The following FSHR variants were observed in gnomAD, a reference collection of about 807,000 sequenced individuals.
FSHR encodes follicle stimulating hormone receptor.
In FSHR, 46 loss-of-function variants were observed where a neutral mutation model predicts 52.1. That is an observed-to-expected ratio of 0.88 (90% CI 0.70 to 1.13). The LOEUF (loss-of-function observed/expected upper bound fraction) is 1.13, where lower values mean the gene tolerates loss of function less well. FSHR is among the 50% of genes most tolerant of loss of function. The probability of loss-of-function intolerance (pLI) is 0.00; values close to 1 mark genes in which losing one functional copy is unlikely to be tolerated. For missense variants in FSHR, 964 were observed against 834.6 expected, an observed-to-expected ratio of 1.16 and a Z score of -1.91; for synonymous variants, 399 against 309.6, an observed-to-expected ratio of 1.29 and a Z score of -3.03.
At chr2:49,051,004 G>A (rs536189512) in intron 2 of FSHR, among the ~76,000 whole-genome samples, 1 of 152,096 alleles carries the variant, frequency 6.6e-6, no homozygotes, top group East Asian at 1.9e-4. Flanking sequence ...TTCTGTGTCT[G>A]GCTTCTTTGC....
intron 4 of FSHR, among the ~76,000 whole-genome samples, chr2:49,005,845 T>C (rs1304558953): frequency 1.3e-5 from 2 of 152,116 alleles, no homozygotes; most frequent in African/African-American, 4.8e-5. Flanking sequence ...AAAGTACTGA[T>C]CTTGGGTGTG....
intron 1 of FSHR, among the ~76,000 whole-genome samples, chr2:49,145,049 A>C (rs1672820502): frequency 6.6e-6 from 1 of 152,116 alleles, no homozygotes; most frequent in Non-Finnish European, 1.5e-5. Context: ...GGATCATCCC[A>C]GCTGCTTTGG....
chr2:49,035,278 G>A (rs977466175), intron 2 of FSHR, among the ~76,000 whole-genome samples: 1 of 152,218 alleles, frequency 6.6e-6, no homozygotes, highest in African/African-American at 2.4e-5. Flanking sequence ...TTGCTCCCAT[G>A]AGCATGGTTT....
chr2:48,978,845 C>A (rs1366856780), intron 8 of FSHR, among the ~76,000 whole-genome samples: 3 of 152,180 alleles, frequency 2.0e-5, no homozygotes, highest in Non-Finnish European at 4.4e-5. Context: ...ATTCTTCCCT[C>A]AACTACAAAT....
intron 4 of FSHR, chr2:49,014,614 C>T (rs1207754465): frequency 2.3e-5 from 6 of 255,760 alleles, no homozygotes; most frequent in African/African-American, 6.9e-5. Flanking sequence ...ATGGTGCTGG[C>T]TGCAAGATGT....
chr2:48,968,844 A>G lies in FSHR; in HGVS notation c.708T>C (p.Tyr236=). The G allele has an allele frequency of 1.2e-6, 2 of 1,614,042 alleles. No homozygotes were observed. The highest frequency in any genetic ancestry group is 1.7e-6 in the Non-Finnish European group (2 of 1,179,990). Residue 236 remains tyrosine (Y), a synonymous_variant, in exon 9 of 10, where the codon TAT becomes TAC. Transcript: ENST00000406846. ...TCAGCTTCTTAAGATTTTCTAAGCC[A>G]TAGCTAGGCAGGGAATGGATCCTTG... ...SRTRIHSLPS[Y]GLENLKKLRA...
intron 2 of FSHR, among the ~76,000 whole-genome samples, chr2:49,020,975 T>C (rs984915025): frequency 1.1e-4 from 16 of 151,946 alleles, no homozygotes; most frequent in Admixed American, 1.0e-3. Flanking sequence ...TTAGGAAAAA[T>C]AGCTAATGCA....
intron 1 of FSHR, among the ~76,000 whole-genome samples, chr2:49,127,782 T>C (rs960904041): frequency 2.0e-5 from 1 of 50,134 alleles, no homozygotes; most frequent in African/African-American, 8.4e-5. Flanking sequence ...CTTCTTCTTC[T>C]TCTTCTTCTT....
intron 1 of FSHR, among the ~76,000 whole-genome samples, chr2:49,109,997 G>T (rs1572756772): frequency 1.3e-5 from 2 of 152,104 alleles, no homozygotes. Flanking sequence ...TGAGAGGCAG[G>T]GTCAGAACAG....
intron 1 of FSHR, among the ~76,000 whole-genome samples, chr2:49,120,146 C>A (rs562876822): frequency 6.6e-6 from 1 of 152,292 alleles, no homozygotes; most frequent in South Asian, 2.1e-4. Flanking sequence ...TGGTGCCTGC[C>A]TGTAATCTCA....
At chr2:49,103,973 GT>G (rs5831023) in intron 1 of FSHR, among the ~76,000 whole-genome samples, 62 of 147,628 alleles carry the variant, frequency 4.2e-4, no homozygotes, top group South Asian at 8.5e-4. Context: ...GGTGGGCTAT[GT>G]TTTTTTTTTT....
intron 4 of FSHR, among the ~76,000 whole-genome samples, chr2:49,010,364 C>T (rs1667224496): frequency 6.6e-6 from 1 of 150,938 alleles, no homozygotes; most frequent in African/African-American, 2.4e-5. Flanking sequence ...AGCCTTGCAT[C>T]CCAGGGATGA....
At chr2:49,004,159 G>C (rs1283108237) in intron 4 of FSHR, among the ~76,000 whole-genome samples, 1 of 152,116 alleles carries the variant, frequency 6.6e-6, no homozygotes, top group Non-Finnish European at 1.5e-5. Flanking sequence ...ATGGCTGCTG[G>C]GTGCTTTCTG....
chr2:49,021,861 CTCTA>C (rs1333250144), intron 2 of FSHR, among the ~76,000 whole-genome samples: 125 of 43,390 alleles, frequency 2.9e-3, no homozygotes, highest in Non-Finnish European at 4.5e-3. Flanking sequence ...CTCTCTCTCT[CTCTA>C]TATATATATA....
intron 1 of FSHR, among the ~76,000 whole-genome samples, chr2:49,139,759 G>A (rs556189517): frequency 2.0e-5 from 3 of 151,944 alleles, no homozygotes; most frequent in East Asian, 1.9e-4. Flanking sequence ...GACCATGCCC[G>A]GCTAACTTTT....
chr2:48,962,170 A>G lies in FSHR; in HGVS notation c.*563T>C, dbSNP rs80295823. On this transcript the variant is annotated 3_prime_UTR_variant, in exon 10 of 10. Coordinates refer to ENST00000406846, the MANE Select transcript of FSHR (RefSeq NM_000145.4). The stretch of plus-strand genomic sequence containing the variant: ...CACACTAACTGGAAACACATGAGGA[A>G]GGGAAATCTGGGAAATGTATTTCAG... 2.7e-3 allele frequency: 462 copies of G among 169,798 alleles called. 2 individuals are homozygous for G. Among genetic ancestry groups the G allele is most frequent in the African/African-American group, 0.011 (445 of 41,670 alleles). The allele number at this position is 169,798 out of a possible 1,614,324, so 10.5% of individuals were successfully genotyped here. A position where few individuals can be genotyped will look rare whatever the true frequency, so the allele number is the denominator to read the frequency against.
chr2:49,135,315 A>G (rs920611929), intron 1 of FSHR, among the ~76,000 whole-genome samples: 1 of 152,136 alleles, frequency 6.6e-6, no homozygotes, highest in African/African-American at 2.4e-5. Flanking sequence ...ATTAGGAAAA[A>G]ATTTGGGAAC....
In FSHR at chr2:48,963,655, G is replaced by A. The variant is rs1159784809; in HGVS notation, c.1166C>T (p.Thr389Ile). 1.9e-6 allele frequency: 3 copies of A among 1,614,146 alleles called. No homozygotes were observed. Among genetic ancestry groups the A allele is most frequent in the African/African-American group, 1.3e-5 (1 of 75,050 alleles). The change falls in exon 10 of 10, where the codon ACC becomes ATC. Residue 389 changes from threonine to isoleucine, a missense_variant. Transcript: ENST00000406846. ...GGGGACTGTGAGTTTATATTGGCTGGTAGTTAGGATCACTAGCACTATGAT... is the reference window on the plus strand; with the variant it reads ...GGGGACTGTGAGTTTATATTGGCTGATAGTTAGGATCACTAGCACTATGAT... ...GNIIVLVILT[T>I]SQYKLTVPRF... is the part of the protein sequence containing the mutation.
At chr2:48,967,568 C>A (rs918015674) in intron 9 of FSHR, among the ~76,000 whole-genome samples, 1 of 152,168 alleles carries the variant, frequency 6.6e-6, no homozygotes, top group Admixed American at 6.5e-5. Context: ...AAGAAATTTC[C>A]TGGCTCTTGA....
Sources: allele counts gnomAD v4.1 joint callset (sites outside exome capture counted in the v4.1 genomes callset), GRCh38; gene constraint gnomAD v4.1.1; transcripts MANE v1.5; gene names NCBI Gene and HGNC (gene_info 2026-07-23, HGNC 2026-07-21).